The following UBAC2 variants were observed in gnomAD, a reference collection of about 807,000 sequenced individuals.
UBAC2 encodes UBA domain containing 2.
Under a neutral mutation model 44.0 loss-of-function variants are expected in UBAC2, and 26 were observed. That is an observed-to-expected ratio of 0.59 (90% CI 0.43 to 0.82). The LOEUF (loss-of-function observed/expected upper bound fraction) is 0.82, where lower values mean the gene tolerates loss of function less well. UBAC2 is among the 40% of genes least tolerant of loss of function. The pLI is 0.00. For missense variants in UBAC2, 329 were observed against 419.4 expected, an observed-to-expected ratio of 0.78 and a Z score of 1.88; for synonymous variants, 155 against 154.3, an observed-to-expected ratio of 1.00 and a Z score of -0.04.
chr13:99,310,643 A>G (rs1289893693), intron 4 of UBAC2, among the ~76,000 whole-genome samples: 1 of 152,218 alleles, frequency 6.6e-6, no homozygotes, highest in African/African-American at 2.4e-5. Context: ...GTGGCCTAGT[A>G]TTTAGTCATC....
intron 1 of UBAC2, among the ~76,000 whole-genome samples, chr13:99,206,785 G>A (rs2042877563): frequency 6.6e-6 from 1 of 152,150 alleles, no homozygotes; most frequent in South Asian, 2.1e-4. Context: ...CCTCTATTTT[G>A]TCTTCGGCTC....
intron 1 of UBAC2, among the ~76,000 whole-genome samples, chr13:99,206,960 T>C (rs1197285651): frequency 1.3e-5 from 2 of 152,254 alleles, no homozygotes; most frequent in East Asian, 3.8e-4. Context: ...TCCAGAAGAA[T>C]GAAGCAGCCT....
intron 1 of UBAC2, among the ~76,000 whole-genome samples, chr13:99,236,122 A>G (rs941796250): frequency 1.3e-5 from 2 of 152,348 alleles, no homozygotes; most frequent in African/African-American, 4.8e-5. Context: ...TGTTGGAGAA[A>G]TGCTCCAGGA....
At chr13:99,368,623 A>G (rs2045362378) in intron 8 of UBAC2, among the ~76,000 whole-genome samples, 1 of 152,140 alleles carries the variant, frequency 6.6e-6, no homozygotes, top group South Asian at 2.1e-4. Flanking sequence ...TAAAGCAGGG[A>G]AAGGCAAGGG....
At chr13:99,327,675 A>G (rs548536740) in intron 6 of UBAC2, among the ~76,000 whole-genome samples, 29 of 152,224 alleles carry the variant, frequency 1.9e-4, no homozygotes, top group Admixed American at 4.6e-4. Flanking sequence ...GTTAGCTTAT[A>G]TTGATAGCTG....
chr13:99,261,501 C>T (rs1198071401), intron 4 of UBAC2, among the ~76,000 whole-genome samples: 1 of 152,128 alleles, frequency 6.6e-6, no homozygotes, highest in Admixed American at 6.5e-5. Flanking sequence ...GTTAGTATAC[C>T]TCCTTTCTGT....
intron 1 of UBAC2, chr13:99,201,561 T>C: frequency 6.2e-7 from 1 of 1,614,066 alleles, no homozygotes; most frequent in Non-Finnish European, 8.5e-7. Flanking sequence ...TTAGCGGTGG[T>C]CAGCAGGTAG....
rs1242231466 is a variant in UBAC2, at chr13:99,295,639, G to T, written c.390-18458G>T. On this transcript the variant is annotated intron_variant, in intron 4 of 8. Transcript: ENST00000403766. The surrounding 1 kb of genome is among the most constrained non-coding windows in gnomAD (Gnocchi z 4.1). Reference sequence around the variant, plus strand: ...TTTCAGCCTCCTGCTTTGACATAGGGTTGATGAGGAGTGGGAGTGTCTGAG... The same window carrying T: ...TTTCAGCCTCCTGCTTTGACATAGGTTTGATGAGGAGTGGGAGTGTCTGAG... 1 of 1,614,148 alleles carries T rather than the reference G, an allele frequency of 6.2e-7. No homozygotes were observed. The highest frequency in any genetic ancestry group is 8.5e-7 in the Non-Finnish European group (1 of 1,180,038).
Position 99,280,912 on chromosome 13 carries a change from G to A in UBAC2, c.390-33185G>A, listed in dbSNP as rs892250628. Among the ~76,000 whole-genome samples the A allele has an allele frequency of 3.9e-5, 6 of 152,124 alleles. No homozygotes were observed. In the East Asian group the frequency reaches 5.8e-4, roughly 15 times the overall value. ...CTTAAGAGAAAAATGTAGGCTGGGC[G>A]TGGTGGCTCACGCCTGTAATCCCAT... On this transcript the variant is annotated intron_variant, in intron 4 of 8. Transcript: ENST00000403766.
intron 1 of UBAC2, among the ~76,000 whole-genome samples, chr13:99,231,700 C>G (rs1395510527): frequency 2.0e-5 from 3 of 151,698 alleles, no homozygotes; most frequent in Non-Finnish European, 4.4e-5. Context: ...TGTGAGCCAC[C>G]ACGCCTGGCT....
chr13:99,290,429 A>G (rs949734328), intron 4 of UBAC2, among the ~76,000 whole-genome samples: 2 of 152,124 alleles, frequency 1.3e-5, no homozygotes, highest in Admixed American at 1.3e-4. Context: ...GGTAGTGGGC[A>G]AAGAAAACAG....
At chr13:99,299,122 T>C (rs2044219310) in intron 4 of UBAC2, among the ~76,000 whole-genome samples, 1 of 152,202 alleles carries the variant, frequency 6.6e-6, no homozygotes, top group Non-Finnish European at 1.5e-5. Context: ...AGAGGTGCCA[T>C]TGCTTGCCAG....
intron 1 of UBAC2, chr13:99,215,687 G>T: frequency 1.3e-6 from 2 of 1,496,188 alleles, no homozygotes; most frequent in Non-Finnish European, 9.0e-7. Context: ...ACTGCAAGCC[G>T]GCTCTCTGCG....
At chr13:99,281,343 C>CATAT in intron 4 of UBAC2, among the ~76,000 whole-genome samples, 1 of 152,080 alleles carries the variant, frequency 6.6e-6, no homozygotes, top group East Asian at 1.9e-4. Context: ...AAGAGAGAAG[C>CATAT]ATATAATCCA....
chr13:99,322,885 C>A (rs969609914), intron 6 of UBAC2, among the ~76,000 whole-genome samples: 3 of 152,132 alleles, frequency 2.0e-5, no homozygotes, highest in Non-Finnish European at 4.4e-5. Context: ...GTCAAGACAG[C>A]GCATTTGCGG....
At chr13:99,293,859 C>T (rs1370029665) in intron 4 of UBAC2, among the ~76,000 whole-genome samples, 3 of 151,904 alleles carry the variant, frequency 2.0e-5, no homozygotes, top group African/African-American at 4.8e-5. Context: ...GAGTGAGACC[C>T]CCTTTCTGAA....
chr13:99,242,606 A>G (rs1436486781), intron 2 of UBAC2, among the ~76,000 whole-genome samples: 35 of 61,166 alleles, frequency 5.7e-4, no homozygotes, highest in Admixed American at 1.2e-3. Flanking sequence ...CTCACCTCCC[A>G]GACGGGGTGG....
At chr13:99,378,509 T>G (rs893903160) in intron 8 of UBAC2, among the ~76,000 whole-genome samples, 2 of 152,188 alleles carry the variant, frequency 1.3e-5, no homozygotes, top group Non-Finnish European at 2.9e-5. Flanking sequence ...CCTGGGTGAC[T>G]GAGCAAGACT....
At chr13:99,317,425 GA>G (rs1266176952) in intron 5 of UBAC2, among the ~76,000 whole-genome samples, 1 of 152,116 alleles carries the variant, frequency 6.6e-6, no homozygotes, top group Non-Finnish European at 1.5e-5. Flanking sequence ...AATTTCATGA[GA>G]TCTAATTCTA....
Sources: gnomAD v4.1 joint callset for allele counts (sites outside exome capture counted in the v4.1 genomes callset) on GRCh38, gnomAD v4.1.1 for gene constraint, Gnocchi (gnomAD v3.1) non-coding constraint, MANE v1.5 for transcripts, NCBI Gene and HGNC (gene_info 2026-07-23, HGNC 2026-07-21) for gene names.